The following SUSD3 variants were observed in gnomAD, a reference collection of about 807,000 sequenced individuals.
The protein encoded by SUSD3 is sushi domain-containing protein 3.
A neutral mutation model predicts 20.6 loss-of-function variants in SUSD3; 18 were observed. The observed-to-expected ratio is 0.87, with a 90% confidence interval of 0.60 to 1.30. SUSD3 has a LOEUF of 1.30. Ranked by LOEUF, SUSD3 falls within the 50% of genes most tolerant of loss-of-function variation. The probability of loss-of-function intolerance (pLI) is 0.00; values close to 1 mark genes in which losing one functional copy is unlikely to be tolerated. For missense variants in SUSD3, 306 were observed against 346.9 expected (o/e 0.88, Z 0.94); for synonymous variants, 137 against 141.5 (o/e 0.97, Z 0.23).
At chr9:93,065,358 C>T (rs59221745) in intron 1 of SUSD3, among the ~76,000 whole-genome samples, 9,802 of 152,264 alleles carry the variant, frequency 0.064, 441 homozygotes, top group South Asian at 0.16. Flanking sequence ...AATGAATTCA[C>T]GTTCATCCAT....
At chr9:93,060,416 G>A (rs2118894844) in intron 1 of SUSD3, among the ~76,000 whole-genome samples, 1 of 152,276 alleles carries the variant, frequency 6.6e-6, no homozygotes. Context: ...TCTGGTGCAG[G>A]GATGATGCCA....
intron 1 of SUSD3, among the ~76,000 whole-genome samples, chr9:93,063,406 G>T (rs1461862313): frequency 6.6e-6 from 1 of 152,196 alleles, no homozygotes; most frequent in Non-Finnish European, 1.5e-5. Flanking sequence ...GGAAGTTGAG[G>T]CTGAGCCAGG....
At chr9:93,079,306 A>G (rs1258820983) in intron 3 of SUSD3, among the ~76,000 whole-genome samples, 165 bp from the exon 4 acceptor site, 2 of 152,174 alleles carry the variant, frequency 1.3e-5, no homozygotes, top group Non-Finnish European at 1.5e-5. Flanking sequence ...GGGAGAAATC[A>G]TGTGTCTCAC....
intron 1 of SUSD3, among the ~76,000 whole-genome samples, chr9:93,070,843 G>A (rs1450936094): frequency 1.3e-5 from 2 of 152,190 alleles, no homozygotes; most frequent in African/African-American, 4.8e-5. Flanking sequence ...CTGCTGAAGC[G>A]CTCAGCACAG....
chr9:93,078,134 G>A lies in SUSD3; in HGVS notation c.425+141G>A, dbSNP rs552168746. 302 of 1,190,364 alleles carry A rather than the reference G, an allele frequency of 2.5e-4. 1 individual carries two copies. Among genetic ancestry groups the A allele is most frequent in the Non-Finnish European group, 3.3e-4 (276 of 848,242 alleles). The allele number at this position is 1,190,364 out of a possible 1,614,324, so 73.7% of individuals were successfully genotyped here. ...CCTACCACTGCTGCTCTGGGCCTGC[G>A]TCTCCCCCCCAAGTGCTGCTCCCGG... is the stretch of plus-strand genomic sequence containing the variant. On this transcript the variant is annotated intron_variant, in intron 3 of 4. Transcript: ENST00000375472.
chr9:93,083,160 C>G (rs1365924719), intron 4 of SUSD3, among the ~76,000 whole-genome samples: 1 of 152,190 alleles, frequency 6.6e-6, no homozygotes, highest in African/African-American at 2.4e-5. Flanking sequence ...ACAGTCAGCT[C>G]AAGAGGCAGG....
chr9:93,068,518 G>C (rs913106771), intron 1 of SUSD3, among the ~76,000 whole-genome samples: 2 of 152,162 alleles, frequency 1.3e-5, no homozygotes, highest in Non-Finnish European at 2.9e-5. Flanking sequence ...GTTCTATTCT[G>C]TTGGCCTTTA....
chr9:93,077,766 C>T, intron 2 of SUSD3, 80 bp from the exon 3 acceptor site: 2 of 1,538,808 alleles, frequency 1.3e-6, no homozygotes, highest in South Asian at 2.3e-5. Flanking sequence ...CTACCCGTAC[C>T]ACCCCTGAGA....
chr9:93,076,031 T>A, intron 2 of SUSD3, 59 bp downstream of exon 2: 1 of 1,444,182 alleles, frequency 6.9e-7, no homozygotes, highest in Non-Finnish European at 9.5e-7. Context: ...CCAAATCCTG[T>A]CATGGGGATG....
chr9:93,071,400 C>G (rs1205876166), intron 1 of SUSD3, among the ~76,000 whole-genome samples: 1 of 152,196 alleles, frequency 6.6e-6, no homozygotes, highest in African/African-American at 2.4e-5. Flanking sequence ...AGCTGAAGAA[C>G]TTGGAGTCTG....
chr9:93,072,402 C>A (rs910817432), intron 1 of SUSD3, among the ~76,000 whole-genome samples: 1 of 152,196 alleles, frequency 6.6e-6, no homozygotes, highest in African/African-American at 2.4e-5. Flanking sequence ...TGTGACCTGG[C>A]CAGCTGCAGC....
At chr9:93,069,258 G>C (rs1444241077) in intron 1 of SUSD3, 8 of 648,038 alleles carry the variant, frequency 1.2e-5, no homozygotes, top group South Asian at 1.2e-4. Flanking sequence ...TGGGTTATCA[G>C]ACCCCCTGAT....
chr9:93,079,293 T>C (rs1234017728), intron 3 of SUSD3, among the ~76,000 whole-genome samples, 178 bp from the exon 4 acceptor site: 1 of 152,234 alleles, frequency 6.6e-6, no homozygotes, highest in Non-Finnish European at 1.5e-5. Flanking sequence ...AGAGTTTAGC[T>C]GTGGGAGAAA....
At chr9:93,066,358 T>C (rs564633544) in intron 1 of SUSD3, among the ~76,000 whole-genome samples, 3 of 152,244 alleles carry the variant, frequency 2.0e-5, no homozygotes, top group African/African-American at 7.2e-5. Context: ...CTCAGCCTCT[T>C]GAGTAGCTGG....
chr9:93,069,787 TC>T (rs1445104155), intron 1 of SUSD3, among the ~76,000 whole-genome samples: 8 of 151,940 alleles, frequency 5.3e-5, no homozygotes, highest in Non-Finnish European at 1.0e-4. Context: ...CTTTTTTTTT[TC>T]TTTTTTTTTG....
chr9:93,061,836 C>T (rs1009198664), intron 1 of SUSD3, among the ~76,000 whole-genome samples: 1 of 152,250 alleles, frequency 6.6e-6, no homozygotes, highest in Non-Finnish European at 1.5e-5. Context: ...CAGGGACTCA[C>T]TGGCAGGTGG....
rs1826303083 is a variant in SUSD3, at chr9:93,079,279, T to C, written c.426-192T>C. ...GTGTGTGGCTACTTTTGGGCTGCAA[T>C]TGCAGAGTTTAGCTGTGGGAGAAAT... is the stretch of plus-strand genomic sequence containing the variant. On this transcript the variant is annotated intron_variant, in intron 3 of 4. Coordinates refer to ENST00000375472, the MANE Select transcript of SUSD3 (RefSeq NM_145006.4). Among the ~76,000 whole-genome samples, 3 of 152,222 alleles carry C rather than the reference T, an allele frequency of 2.0e-5. No individual in the cohort carries two copies. The South Asian group carries it at 6.2e-4, about 31-fold the overall frequency.
In SUSD3 at chr9:93,084,831, C is replaced by A; in HGVS notation, c.*84C>A. On this transcript the variant is annotated 3_prime_UTR_variant, in exon 5 of 5. Coordinates refer to ENST00000375472, the MANE Select transcript of SUSD3 (RefSeq NM_145006.4). ...CCAGTCAGCTACAACTCCACATCAA[C>A]TCCACATGCGCCCAGCTCGAGACTG... 8.1e-7 allele frequency: 1 copy of A among 1,234,692 alleles called. No homozygotes were observed. Among genetic ancestry groups the A allele is most frequent in the Non-Finnish European group, 1.1e-6 (1 of 918,738 alleles). The allele number at this position is 1,234,692 out of a possible 1,614,324, so 76.5% of individuals were successfully genotyped here. A position where few individuals can be genotyped will look rare whatever the true frequency, so the allele number is the denominator to read the frequency against.
Position 93,079,618 on chromosome 9 carries a change from G to A in SUSD3, c.557+16G>A, listed in dbSNP as rs201218598. On this transcript the variant is annotated intron_variant, in intron 4 of 4. Coordinates refer to ENST00000375472, the MANE Select transcript of SUSD3 (RefSeq NM_145006.4). ...GCTTCACCACGTGAGCCCGGGTCTG[G>A]GTAGGGGACATGCTGGGGGACAAGG... The A allele has an allele frequency of 5.6e-6, 9 of 1,612,754 alleles. No individual in the cohort carries two copies. The East Asian group carries it at 2.0e-4, about 36-fold the overall frequency.
Sources: gnomAD v4.1 joint callset for allele counts (sites outside exome capture counted in the v4.1 genomes callset) on GRCh38, gnomAD v4.1.1 for gene constraint, MANE v1.5 for transcripts, NCBI Gene and HGNC (gene_info 2026-07-23, HGNC 2026-07-21) for gene names.